Variants in PCDHB9 observed in about 807,000 individuals in gnomAD.
PCDHB9 encodes protocadherin beta-9.
For missense variants in PCDHB9, 1,072 were observed against 995.1 expected, an observed-to-expected ratio of 1.08 and a Z score of -1.04; for synonymous variants, 501 against 439.7, an observed-to-expected ratio of 1.14 and a Z score of -1.75.
In PCDHB9 at chr5:141,189,904, A is replaced by C. The variant is rs897870307; in HGVS notation, c.*192A>C. The C allele has an allele frequency of 2.0e-6, 1 of 487,960 alleles. No individual in the cohort carries two copies. Among genetic ancestry groups the C allele is most frequent in the Non-Finnish European group, 3.5e-6 (1 of 287,964 alleles). 30.2% of individuals were successfully genotyped at this position (487,960 alleles called of 1,614,324 possible). Reference sequence around the variant, plus strand: ...ATGAGGCATTTCTTACTAGAATCCCATAAGTGAAATATAATATTTTTCAAA... The same window carrying C: ...ATGAGGCATTTCTTACTAGAATCCCCTAAGTGAAATATAATATTTTTCAAA... On this transcript the variant is annotated 3_prime_UTR_variant, in exon 1 of 1. Transcript: ENST00000316105.
Position 141,188,590 on chromosome 5 carries a change from T to C in PCDHB9, c.1272T>C (p.Thr424=), listed in dbSNP as rs782619447. The change falls in exon 1 of 1, where the codon ACT becomes ACC. Residue 424 remains threonine (T), a synonymous_variant. Transcript: ENST00000316105. ...AGTACAACATCACCATCACCGTCAC[T>C]GACTTGGGGACACCCAGGCTGAAAA... ...KAEYNITITV[T]DLGTPRLKTE... The C allele has an allele frequency of 1.9e-6, 3 of 1,614,190 alleles. No homozygotes were observed. The highest frequency in any genetic ancestry group is 2.2e-5 in the South Asian group (2 of 91,084).
Position 141,189,001 on chromosome 5 carries a change from G to T in PCDHB9, c.1683G>T (p.Val561=), listed in dbSNP as rs1554283191. The T allele has an allele frequency of 3.7e-6, 6 of 1,610,890 alleles. No homozygotes were observed. Among genetic ancestry groups the T allele is most frequent in the Admixed American group, 1.7e-5 (1 of 59,968 alleles). ...VLDANDNSPF[V]LYPLQNGSAP... is the part of the protein sequence containing the mutation. ...ACGCCAACGACAACTCGCCCTTCGT[G>T]CTGTACCCGCTGCAGAACGGCTCCG... Residue 561 remains valine, a synonymous_variant, in exon 1 of 1, where the codon GTG becomes GTT. Coordinates refer to ENST00000316105, the MANE Select transcript of PCDHB9 (RefSeq NM_019119.5).
chr5:141,187,329 G>A lies in PCDHB9; in HGVS notation c.11G>A (p.Arg4Lys). 6.2e-7 allele frequency: 1 copy of A among 1,613,646 alleles called. No homozygotes were observed. The change falls in exon 1 of 1, where the codon AGG (arginine) becomes AAG (lysine). Residue 4 changes from arginine to lysine, a missense_variant. Transcript: ENST00000316105. ...AGGAAAGAAGCAGCTATGAAGACCA[G>A]GGGGTTCAGCTTTCCAAGACAAAGG... Reference protein sequence around the residue: MKTRGFSFPRQRQV... With the variant: MKTKGFSFPRQRQV...
rs1753774962 is a variant in PCDHB9, at chr5:141,187,837, C to T, written c.519C>T (p.Ser173=). 3 of 1,614,058 alleles carry T rather than the reference C, an allele frequency of 1.9e-6. No homozygotes were observed. The highest frequency in any genetic ancestry group is 1.3e-5 in the African/African-American group (1 of 74,920). The part of the protein sequence containing the change: ...GHNSIQNYTI[S]SNSFFHIKIS... ...ACAGTATCCAAAACTACACGATCAG[C>T]TCCAACTCTTTTTTCCATATTAAAA... The change falls in exon 1 of 1, where the codon AGC becomes AGT. Residue 173 remains serine, a synonymous_variant. Transcript: ENST00000316105.
In PCDHB9 at chr5:141,188,666, G is replaced by A. The variant is rs569944736; in HGVS notation, c.1348G>A (p.Ala450Thr). 2.9e-5 allele frequency: 46 copies of A among 1,613,998 alleles called. No individual in the cohort carries two copies. The highest frequency in any genetic ancestry group is 3.3e-5 in the Admixed American group (2 of 60,000). ...CTCCGACGTCAATGACAACGCCCCC[G>A]CCTTCACCCAAACCTCCTACACCCT... ...QVSDVNDNAP[A>T]FTQTSYTLFV... Residue 450 changes from alanine (A) to threonine (T), a missense_variant, in exon 1 of 1, where the codon GCC (alanine) becomes ACC (threonine). Coordinates refer to ENST00000316105, the MANE Select transcript of PCDHB9 (RefSeq NM_019119.5).
rs76387406 is a variant in PCDHB9 at position 141,187,301 on chromosome 5, T to A, written c.-18T>A. ...TGGGGCAGTGTGATTGAGACTGACA[T>A]TGAGGAAAGAAGCAGCTATGAAGAC... On this transcript the variant is annotated 5_prime_UTR_variant, in exon 1 of 1. In the 5' UTR this introduces an upstream ATG that the reference lacks. Coordinates refer to ENST00000316105, the MANE Select transcript of PCDHB9 (RefSeq NM_019119.5). 2,659 of 1,607,402 alleles carry A rather than the reference T, an allele frequency of 1.7e-3. 49 individuals carry two copies. The African/African-American group carries it at 0.032, about 19-fold the overall frequency.
chr5:141,188,883 A>G lies in PCDHB9; in HGVS notation c.1565A>G (p.Glu522Gly). The G allele has an allele frequency of 6.2e-7, 1 of 1,612,558 alleles. No individual in the cohort carries two copies. The highest frequency in any genetic ancestry group is 8.5e-7 in the Non-Finnish European group (1 of 1,179,904). Reference sequence around the variant, plus strand: ...TTTGCCCTCAGGTCGCTGGACTACGAGGCCCTGCAGGCTTTCGACTTCCGC... The same window carrying G: ...TTTGCCCTCAGGTCGCTGGACTACGGGGCCCTGCAGGCTTTCGACTTCCGC... Reference protein sequence around the residue: ...HLFALRSLDYEALQAFDFRVG... With the variant: ...HLFALRSLDYGALQAFDFRVG... Residue 522 changes from glutamate to glycine, a missense_variant, in exon 1 of 1, where the codon GAG becomes GGG. By Grantham distance (98) the Glu-to-Gly change is moderately conservative. Coordinates refer to ENST00000316105, the MANE Select transcript of PCDHB9 (RefSeq NM_019119.5).
At position 141,190,658 on chromosome 5, in the gene PCDHB9, CAAAAAAA is replaced by C. The variant is rs201095971; in HGVS notation, c.*956_*962del. 8.4e-6 allele frequency: 1 copy of C among 118,426 alleles called. No individual in the cohort carries two copies. The highest frequency in any genetic ancestry group is 3.2e-5 in the African/African-American group (1 of 31,710). 7.3% of individuals were successfully genotyped at this position (118,426 alleles called of 1,614,324 possible). A position where few individuals can be genotyped will look rare whatever the true frequency, so the allele number is the denominator to read the frequency against. On this transcript the variant is annotated 3_prime_UTR_variant, in exon 1 of 1. Coordinates refer to ENST00000316105, the MANE Select transcript of PCDHB9 (RefSeq NM_019119.5). Reference sequence around the variant, plus strand: ...TGTAAATGGGCTTTAGTCTGGAAACCAAAAAAAAAAAAAAAATTTAGTCATTCTATAG... The same window carrying C: ...TGTAAATGGGCTTTAGTCTGGAAACCAAAAAAAAATTTAGTCATTCTATAG...
rs1182922289 is a variant in PCDHB9 at position 141,190,147 on chromosome 5, GT to G, written c.*441del. 6.7e-6 allele frequency: 1 copy of G among 148,630 alleles called. No individual in the cohort carries two copies. Among genetic ancestry groups the G allele is most frequent in the Non-Finnish European group, 1.5e-5 (1 of 67,830 alleles). 9.2% of individuals were successfully genotyped at this position (148,630 alleles called of 1,614,324 possible). A position where few individuals can be genotyped will look rare whatever the true frequency, so the allele number is the denominator to read the frequency against. ...TTTGCCATCCTTGTTCATTACAACT[GT>G]TTTTTGTTTGTTTGTTTGTTTTTTG... On this transcript the variant is annotated 3_prime_UTR_variant, in exon 1 of 1. Transcript: ENST00000316105.
At position 141,188,963 on chromosome 5, in the gene PCDHB9, G is replaced by T. The variant is rs199912805; in HGVS notation, c.1645G>T (p.Val549Leu). The change falls in exon 1 of 1, where the codon GTA becomes TTA. Residue 549 changes from valine to leucine, a missense_variant. By Grantham distance (32) the Val-to-Leu change is conservative. Coordinates refer to ENST00000316105, the MANE Select transcript of PCDHB9 (RefSeq NM_019119.5). ...TTTGAGCAGCGAGGCGCTGGTGCGC[G>T]TACTGGTGCTGGACGCCAACGACAA... The part of the protein sequence containing the change: ...PALSSEALVR[V>L]LVLDANDNSP... 6 of 1,611,702 alleles carry T rather than the reference G, an allele frequency of 3.7e-6. No individual in the cohort carries two copies. In the Admixed American group the frequency reaches 6.7e-5, roughly 18 times the overall value.
rs890441406 is a variant in PCDHB9 at position 141,189,866 on chromosome 5, A to G, written c.*154A>G. On this transcript the variant is annotated 3_prime_UTR_variant, in exon 1 of 1. Transcript: ENST00000316105. ...TAACTTCACAAGTTAACTTTTTCTT[A>G]TTTTGTATCCTGATGAGGCATTTCT... 2 of 604,432 alleles carry G rather than the reference A, an allele frequency of 3.3e-6. No individual in the cohort carries two copies. The highest frequency in any genetic ancestry group is 5.4e-6 in the Non-Finnish European group (2 of 369,626). 37.4% of individuals were successfully genotyped at this position (604,432 alleles called of 1,614,324 possible). A position where few individuals can be genotyped will look rare whatever the true frequency, so the allele number is the denominator to read the frequency against.
rs1442477881 is a variant in PCDHB9, at chr5:141,188,288, G to C, written c.970G>C (p.Gly324Arg). The change falls in exon 1 of 1, where the codon GGC becomes CGC. Residue 324 changes from glycine (G) to arginine (R), a missense_variant. Physicochemically the swap from Gly to Arg is moderately radical, Grantham distance 125. Transcript: ENST00000316105. ...CAAAATAAATATACAGGCAATGGACGGCGGAGGCCTTTCTGCAAGATGTAC... is the reference window on the plus strand; with the variant it reads ...CAAAATAAATATACAGGCAATGGACCGCGGAGGCCTTTCTGCAAGATGTAC... ...SYKINIQAMD[G>R]GGLSARCTVL... 3 of 1,614,008 alleles carry C rather than the reference G, an allele frequency of 1.9e-6. No homozygotes were observed. Among genetic ancestry groups the C allele is most frequent in the African/African-American group, 1.3e-5 (1 of 74,926 alleles).
chr5:141,189,571 C>G lies in PCDHB9; in HGVS notation c.2253C>G (p.Tyr751Ter), dbSNP rs182441332. ...GGACCCTGTTCCAGAGCTACCAGTA[C>G]GAGGTGTGTCTGACTGGAGGTTCAG... is the stretch of plus-strand genomic sequence containing the variant. Reference protein sequence around the residue: ...GTGTLFQSYQYEVCLTGGSET... With the variant: ...GTGTLFQSYQ Residue 751 changes from tyrosine to a stop codon, truncating the protein, a stop_gained, in exon 1 of 1, where the codon TAC becomes TAG. Coordinates refer to ENST00000316105, the MANE Select transcript of PCDHB9 (RefSeq NM_019119.5). LOFTEE classifies it low-confidence loss of function (END_TRUNC). The G allele has an allele frequency of 2.3e-5, 37 of 1,614,042 alleles. No homozygotes were observed. In the Middle Eastern group the frequency reaches 6.6e-4, roughly 29 times the overall value.
rs925761501 is a variant in PCDHB9 at position 141,190,045 on chromosome 5, A to T, written c.*333A>T. 3.4e-5 allele frequency: 7 copies of T among 204,004 alleles called. No individual in the cohort carries two copies. The highest frequency in any genetic ancestry group is 1.6e-4 in the African/African-American group (7 of 43,266). The allele number at this position is 204,004 out of a possible 1,614,324, so 12.6% of individuals were successfully genotyped here. On this transcript the variant is annotated 3_prime_UTR_variant, in exon 1 of 1. Transcript: ENST00000316105. ...CCTAAAACTTTTTACTTGTTAAAAT[A>T]GTCTGCTGCATGTAATATGTGCTTT... is the stretch of plus-strand genomic sequence containing the variant.
In PCDHB9 at chr5:141,188,977, C is replaced by T. The variant is rs782620517; in HGVS notation, c.1659C>T (p.Asp553=). The T allele has an allele frequency of 3.1e-6, 5 of 1,611,670 alleles. No homozygotes were observed. The Admixed American group carries it at 8.3e-5, about 27-fold the overall frequency. The change falls in exon 1 of 1, where the codon GAC becomes GAT. Residue 553 remains aspartate (D), a synonymous_variant. Transcript: ENST00000316105. Reference sequence around the variant, plus strand: ...CGCTGGTGCGCGTACTGGTGCTGGACGCCAACGACAACTCGCCCTTCGTGC... The same window carrying T: ...CGCTGGTGCGCGTACTGGTGCTGGATGCCAACGACAACTCGCCCTTCGTGC... The part of the protein sequence containing the change: ...SEALVRVLVL[D]ANDNSPFVLY...
In PCDHB9 at chr5:141,189,082, G is replaced by T. The variant is rs782723039; in HGVS notation, c.1764G>T (p.Lys588Asn). The T allele has an allele frequency of 4.4e-6, 7 of 1,604,106 alleles. 1 individual carries two copies. The highest frequency in any genetic ancestry group is 5.9e-6 in the Non-Finnish European group (7 of 1,178,504). ...CCGAGCCGGGCTACCTGGTGACCAA[G>T]GTGGTGGCGGTGGACGGCGACTCGG... ...RAAEPGYLVT[K>N]VVAVDGDSGQ... is the part of the protein sequence containing the mutation. The change falls in exon 1 of 1, where the codon AAG (lysine) becomes AAT (asparagine). Residue 588 changes from lysine (K) to asparagine (N), a missense_variant. Coordinates refer to ENST00000316105, the MANE Select transcript of PCDHB9 (RefSeq NM_019119.5).
Position 141,188,504 on chromosome 5 carries a change from T to C in PCDHB9, c.1186T>C (p.Ser396Pro), listed in dbSNP as rs2149665156. ...QDNLPFFLKP[S>P]VDNFYILMTE... is the part of the protein sequence containing the mutation. ...TAATCTGCCTTTTTTTCTGAAACCG[T>C]CTGTTGACAATTTTTACATCCTAAT... Residue 396 changes from serine to proline, a missense_variant, in exon 1 of 1, where the codon TCT (serine) becomes CCT (proline). Transcript: ENST00000316105. 1 of 1,614,122 alleles carries C rather than the reference T, an allele frequency of 6.2e-7. No individual in the cohort carries two copies. Among genetic ancestry groups the C allele is most frequent in the Non-Finnish European group, 8.5e-7 (1 of 1,180,030 alleles).
At position 141,188,784 on chromosome 5, in the gene PCDHB9, C is replaced by T. The variant is rs782656920; in HGVS notation, c.1466C>T (p.Ser489Leu). ...DSGTNAQVTYSLLPPQDPHLP... is the reference protein window; with the variant it reads ...DSGTNAQVTYLLLPPQDPHLP... The stretch of plus-strand genomic sequence containing the variant: ...GGCACCAACGCCCAGGTCACCTACT[C>T]GCTGCTGCCGCCCCAGGACCCACAC... The change falls in exon 1 of 1, where the codon TCG (serine) becomes TTG (leucine). Residue 489 changes from serine (S) to leucine (L), a missense_variant. By Grantham distance (145) the Ser-to-Leu change is moderately radical. Transcript: ENST00000316105. 5 of 1,612,952 alleles carry T rather than the reference C, an allele frequency of 3.1e-6. No homozygotes were observed. The highest frequency in any genetic ancestry group is 2.2e-5 in the East Asian group (1 of 44,882).
rs1554283266 is a variant in PCDHB9 at position 141,189,186 on chromosome 5, A to C, written c.1868A>C (p.Glu623Ala). 6.2e-7 allele frequency: 1 copy of C among 1,602,766 alleles called. No homozygotes were observed. Among genetic ancestry groups the C allele is most frequent in the Admixed American group, 1.7e-5 (1 of 59,960 alleles). The change falls in exon 1 of 1, where the codon GAG becomes GCG. Residue 623 changes from glutamate to alanine, a missense_variant. Coordinates refer to ENST00000316105, the MANE Select transcript of PCDHB9 (RefSeq NM_019119.5). Reference sequence around the variant, plus strand: ...TTCGGTGTGTGGGCGCACAATGGGGAGGTGCGCACCGCCAGGCTGCTGAGC... The same window carrying C: ...TTCGGTGTGTGGGCGCACAATGGGGCGGTGCGCACCGCCAGGCTGCTGAGC... ...GLFGVWAHNG[E>A]VRTARLLSER...
Sources: gnomAD v4.1 joint callset for allele counts on GRCh38, gnomAD v4.1.1 for gene constraint, MANE v1.5 for transcripts, NCBI Gene and HGNC (gene_info 2026-07-23, HGNC 2026-07-21) for gene names.